PUS10: variants seen among roughly 807,000 people sequenced by gnomAD.
The protein encoded by PUS10 is tRNA pseudouridine synthase Pus10.
PUS10 carries 59 observed loss-of-function variants against 75.0 expected under a neutral mutation model. That is an observed-to-expected ratio of 0.79 (90% CI 0.64 to 0.98). The LOEUF (loss-of-function observed/expected upper bound fraction) is 0.98, where lower values mean the gene tolerates loss of function less well. Ranked by LOEUF, PUS10 falls within the 50% of genes least tolerant of loss-of-function variation. The pLI is 0.00. For synonymous variants in PUS10, 219 were observed against 211.6 expected, an observed-to-expected ratio of 1.03 and a Z score of -0.30; for missense variants, 650 against 614.4, an observed-to-expected ratio of 1.06 and a Z score of -0.61.
chr2:60,942,084 A>G lies in PUS10; in HGVS notation c.*311T>C, dbSNP rs1674653369. On this transcript the variant is annotated 3_prime_UTR_variant, in exon 18 of 18. Coordinates refer to ENST00000316752, the MANE Select transcript of PUS10 (RefSeq NM_144709.4). ...TTACAGCTTCTTAGGTTAACAGAGA[A>G]TGTGTCCTGTTTGTGCACCTCTCTA... 3.7e-6 allele frequency: 1 copy of G among 270,430 alleles called. No homozygotes were observed. The highest frequency in any genetic ancestry group is 7.1e-5 in the East Asian group (1 of 14,106). 16.8% of individuals were successfully genotyped at this position (270,430 alleles called of 1,614,324 possible).
chr2:60,995,753 C>A (rs1205725922), intron 4 of PUS10, among the ~76,000 whole-genome samples: 1 of 151,970 alleles, frequency 6.6e-6, no homozygotes, highest in African/African-American at 2.4e-5. Context: ...GTTACATTAC[C>A]ATTTCTTATT....
Position 61,011,785 on chromosome 2 carries a change from G to C in PUS10, c.106C>G (p.Pro36Ala). 2 of 1,600,788 alleles carry C rather than the reference G, an allele frequency of 1.2e-6. No homozygotes were observed. The highest frequency in any genetic ancestry group is 1.7e-6 in the Non-Finnish European group (2 of 1,173,954). ...AATACCTTGTATGGAAGTTTGTAAG[G>C]TGCATGAAAATCCACACCACAGAAT... ...FRFCGVDFHA[P>A]YKLPYKELLN... is the part of the protein sequence containing the mutation. The change falls in exon 2 of 18, where the codon CCT (proline) becomes GCT (alanine). Residue 36 changes from proline (P) to alanine (A), a missense_variant. Pro to Ala is a conservative substitution (Grantham distance 27). Coordinates refer to ENST00000316752, the MANE Select transcript of PUS10 (RefSeq NM_144709.4).
intron 4 of PUS10, among the ~76,000 whole-genome samples, chr2:60,994,041 G>A (rs1303750282): frequency 1.1e-4 from 16 of 151,960 alleles, no homozygotes; most frequent in East Asian, 1.9e-4. Flanking sequence ...TGCCTGCCTC[G>A]GCCTCCCACA....
At chr2:61,008,100 G>C (rs1679356044) in intron 3 of PUS10, among the ~76,000 whole-genome samples, 1 of 151,822 alleles carries the variant, frequency 6.6e-6, no homozygotes, top group Non-Finnish European at 1.5e-5. Context: ...AAGAATTCTT[G>C]GCCTTGGCCG....
At chr2:60,968,338 T>C (rs1211292681) in intron 5 of PUS10, among the ~76,000 whole-genome samples, 1 of 152,128 alleles carries the variant, frequency 6.6e-6, no homozygotes, top group Non-Finnish European at 1.5e-5. Flanking sequence ...ACTCCTCTAC[T>C]CTGCTGAGAA....
chr2:60,991,015 T>C (rs1306349487), intron 4 of PUS10, among the ~76,000 whole-genome samples: 2 of 151,988 alleles, frequency 1.3e-5, no homozygotes, highest in African/African-American at 2.4e-5. Flanking sequence ...AGTGCTGAAA[T>C]TACAGGTGTG....
Position 60,941,730 on chromosome 2 carries a change from G to A in PUS10, c.*665C>T, listed in dbSNP as rs1001528854. ...TACCATGGCATGCCTTGGCTCCTACGGTTTTACTTTCCCTCCACAGGAAAC... is the reference window on the plus strand; with the variant it reads ...TACCATGGCATGCCTTGGCTCCTACAGTTTTACTTTCCCTCCACAGGAAAC... On this transcript the variant is annotated 3_prime_UTR_variant, in exon 18 of 18. Coordinates refer to ENST00000316752, the MANE Select transcript of PUS10 (RefSeq NM_144709.4). 2 of 151,964 alleles carry A rather than the reference G, an allele frequency of 1.3e-5. No homozygotes were observed. The highest frequency in any genetic ancestry group is 2.4e-5 in the African/African-American group (1 of 41,296). The allele number at this position is 151,964 out of a possible 1,614,324, so 9.4% of individuals were successfully genotyped here.
chr2:61,007,635 G>A (rs372458421), intron 3 of PUS10, among the ~76,000 whole-genome samples: 4 of 151,732 alleles, frequency 2.6e-5, no homozygotes, highest in African/African-American at 7.3e-5. Flanking sequence ...TGGGCGTGGT[G>A]GCACGTGCCT....
At chr2:60,944,956 A>T in intron 17 of PUS10, 53 bp downstream of exon 17, 1 of 1,325,478 alleles carries the variant, frequency 7.5e-7, no homozygotes, top group Admixed American at 1.7e-5. Flanking sequence ...CAAAGAGCAT[A>T]ACTTTGGTTG....
At chr2:60,973,048 C>T (rs1676787351) in intron 4 of PUS10, among the ~76,000 whole-genome samples, 1 of 152,174 alleles carries the variant, frequency 6.6e-6, no homozygotes, top group Admixed American at 6.5e-5. Context: ...CCCTGTGCTC[C>T]ACATCCCCGA....
At chr2:60,957,041 A>G (rs1479081109) in intron 11 of PUS10, among the ~76,000 whole-genome samples, 1 of 151,914 alleles carries the variant, frequency 6.6e-6, no homozygotes, top group Non-Finnish European at 1.5e-5. Flanking sequence ...CTGAAAATTA[A>G]GGAAACATCC....
Position 60,940,713 on chromosome 2 carries a change from C to T in PUS10, c.*1682G>A, listed in dbSNP as rs1050727867. Reference sequence around the variant, plus strand: ...TCAAAGGTAAGCCAAAAATACCATGCAAAAGACTGCCTCCTAAATTATTTA... The same window carrying T: ...TCAAAGGTAAGCCAAAAATACCATGTAAAAGACTGCCTCCTAAATTATTTA... On this transcript the variant is annotated 3_prime_UTR_variant, in exon 18 of 18. Coordinates refer to ENST00000316752, the MANE Select transcript of PUS10 (RefSeq NM_144709.4). The T allele has an allele frequency of 6.6e-6, 1 of 152,402 alleles. No individual in the cohort carries two copies. The allele number at this position is 152,402 out of a possible 1,614,324, so 9.4% of individuals were successfully genotyped here.
intron 4 of PUS10, among the ~76,000 whole-genome samples, chr2:61,006,326 G>C (rs1179909944): frequency 2.0e-5 from 3 of 152,184 alleles, no homozygotes; most frequent in African/African-American, 7.2e-5. Flanking sequence ...CTTTAAAAAA[G>C]ATGGCAGTCC....
chr2:61,014,542 C>T (rs1679842790), intron 1 of PUS10, among the ~76,000 whole-genome samples: 1 of 152,094 alleles, frequency 6.6e-6, no homozygotes, highest in Non-Finnish European at 1.5e-5. Context: ...TCTCCTGTTA[C>T]CGGGAAGGAG....
chr2:60,972,474 AAAAAAAAAG>A (rs1405480541), intron 4 of PUS10, among the ~76,000 whole-genome samples: 6 of 151,152 alleles, frequency 4.0e-5, no homozygotes, highest in Non-Finnish European at 4.4e-5. Flanking sequence ...CGTTTCAAGA[AAAAAAAAAG>A]AAAAAAAAGA....
Position 61,017,828 on chromosome 2 carries a change from A to ACCAGGACCGGGC in PUS10, c.-16+168_-16+179dup, listed in dbSNP as rs779589123. ...GCCGAATTCCGGGAGCCGGACCGGG[A>ACCAGGACCGGGC]CCAGGACCGGGCCCCACTTTCCAGT... On this transcript the variant is annotated intron_variant, in intron 1 of 17. Transcript: ENST00000316752. 7 of 1,550,350 alleles carry ACCAGGACCGGGC rather than the reference A, an allele frequency of 4.5e-6. No individual in the cohort carries two copies. The South Asian group carries it at 7.1e-5, about 16-fold the overall frequency.
chr2:61,012,683 A>G (rs1679680341), intron 1 of PUS10, among the ~76,000 whole-genome samples: 1 of 148,356 alleles, frequency 6.7e-6, no homozygotes, highest in South Asian at 2.1e-4. Context: ...AAAAAAAAAA[A>G]ATTTGCCGGG....
At chr2:60,979,860 A>G (rs1221088169) in intron 4 of PUS10, among the ~76,000 whole-genome samples, 1 of 152,264 alleles carries the variant, frequency 6.6e-6, no homozygotes, top group Non-Finnish European at 1.5e-5. Flanking sequence ...AGGACAGATC[A>G]GCATAGAATG....
chr2:60,997,443 T>C (rs1573493021), intron 4 of PUS10, among the ~76,000 whole-genome samples: 2 of 152,054 alleles, frequency 1.3e-5, no homozygotes, highest in South Asian at 4.1e-4. Context: ...ACCTCGTCTG[T>C]ACTAAAAATA....
Sources: gnomAD v4.1 joint callset for allele counts (sites outside exome capture counted in the v4.1 genomes callset) on GRCh38, gnomAD v4.1.1 for gene constraint, MANE v1.5 for transcripts, NCBI Gene and HGNC (gene_info 2026-07-23, HGNC 2026-07-21) for gene names.